The following CEP76 variants were observed in gnomAD, a reference collection of about 807,000 sequenced individuals.
The protein encoded by CEP76 is centrosomal protein of 76 kDa.
A neutral mutation model predicts 83.3 loss-of-function variants in CEP76; 55 were observed. The ratio of observed to expected loss-of-function variants is 0.66; its 90% CI spans 0.53 to 0.83. CEP76 has a LOEUF of 0.83. CEP76 is among the 40% of genes least tolerant of loss of function. CEP76 has a pLI of 0.00. For missense variants in CEP76, 694 were observed against 799.5 expected, an observed-to-expected ratio of 0.87 and a Z score of 1.59; for synonymous variants, 270 against 274.5, an observed-to-expected ratio of 0.98 and a Z score of 0.16.
upstream of CEP76, chr18:12,702,774 C>G (rs1258364375): frequency 1.4e-5 from 8 of 582,986 alleles, no homozygotes; most frequent in African/African-American, 1.4e-4. Flanking sequence ...GGCGGACAAA[C>G]AGGGCTTGGG....
rs559155412 is a variant in CEP76 at position 12,678,726 on chromosome 18, CA to C, written c.1290-285del. On this transcript the variant is annotated intron_variant, in intron 9 of 11. Transcript: ENST00000262127. ...GTCCCAGCACTTTGGGAGGCCGAGGCAGGGGGATCACCTGAGGTCAAGAGTT... is the reference window on the plus strand; with the variant it reads ...GTCCCAGCACTTTGGGAGGCCGAGGCGGGGGATCACCTGAGGTCAAGAGTT... 9.1e-3 allele frequency among the ~76,000 whole-genome samples: 1,382 copies of C among 152,178 alleles called. 18 individuals are homozygous for C. The highest frequency in any genetic ancestry group is 0.031 in the African/African-American group (1,290 of 41,516).
intron 12 of CEP76, among the ~76,000 whole-genome samples, chr18:12,666,202 C>A (rs987278366): frequency 4.6e-5 from 7 of 151,620 alleles, no homozygotes; most frequent in African/African-American, 1.7e-4. Flanking sequence ...GTGGCATACA[C>A]CTATATTCCC....
At position 12,700,838 on chromosome 18, in the gene CEP76, C is replaced by A. The variant is rs369682873; in HGVS notation, c.219+120G>T. 10 of 685,812 alleles carry A rather than the reference C, an allele frequency of 1.5e-5. No homozygotes were observed. In the East Asian group the frequency reaches 1.6e-4, roughly 11 times the overall value. 42.5% of individuals were successfully genotyped at this position (685,812 alleles called of 1,614,324 possible). Reference sequence around the variant, plus strand: ...TACTTGAAACAAGGACACTAGTAAACAGAATGACCTTGAAGTGGTTTTACT... The same window carrying A: ...TACTTGAAACAAGGACACTAGTAAAAAGAATGACCTTGAAGTGGTTTTACT... On this transcript the variant is annotated intron_variant, in intron 2 of 11. Transcript: ENST00000262127.
intron 2 of CEP76, 128 bp downstream of exon 2, chr18:12,700,830 C>G (rs1215733881): frequency 3.1e-6 from 2 of 640,908 alleles, no homozygotes; most frequent in Non-Finnish European, 5.3e-6. Context: ...AACAAGGACA[C>G]TAGTAAACAG....
chr18:12,689,254 T>C (rs2039658576), intron 7 of CEP76, among the ~76,000 whole-genome samples: 1 of 150,386 alleles, frequency 6.6e-6, no homozygotes, highest in African/African-American at 2.4e-5. Flanking sequence ...TGTTGTTGTT[T>C]AATTTCAGAA....
Position 12,700,992 on chromosome 18 carries a change from A to G in CEP76, c.185T>C (p.Ile62Thr), listed in dbSNP as rs763833993. The change falls in exon 2 of 12, where the codon ATT (isoleucine) becomes ACT (threonine). Residue 62 changes from isoleucine (I) to threonine (T), a missense_variant. By Grantham distance (89) the Ile-to-Thr change is moderately conservative. Coordinates refer to ENST00000262127, the MANE Select transcript of CEP76 (RefSeq NM_024899.4). ...LIKALRRRGI[I>T]DDVMKELNFV... is the part of the protein sequence containing the mutation. ...ATTAAGTTCTTTCATCACATCGTCA[A>G]TGATTCCTCGACGTCTAAGGGCTTT... 1.9e-6 allele frequency: 3 copies of G among 1,613,190 alleles called. No homozygotes were observed. The highest frequency in any genetic ancestry group is 2.2e-5 in the South Asian group (2 of 90,784).
intron 1 of CEP76, among the ~76,000 whole-genome samples, chr18:12,702,217 G>A (rs919834640): frequency 2.0e-5 from 3 of 152,196 alleles, no homozygotes; most frequent in Non-Finnish European, 4.4e-5. Flanking sequence ...CTCGCTAAGC[G>A]CTTCATTCTC....
At chr18:12,693,818 T>C (rs1047931617) in intron 6 of CEP76, among the ~76,000 whole-genome samples, 3 of 152,116 alleles carry the variant, frequency 2.0e-5, no homozygotes. Context: ...CGTATACACA[T>C]AATGTATATG....
At position 12,690,524 on chromosome 18, in the gene CEP76, C is replaced by T. The variant is rs546251393; in HGVS notation, c.933+835G>A. ...AGGCCGGACTGCAGTGGTGCGATCT[C>T]GGCTCACTGCAAGCTCCGCCTCCCG... On this transcript the variant is annotated intron_variant, in intron 7 of 11. Transcript: ENST00000262127. Among the ~76,000 whole-genome samples the T allele has an allele frequency of 8.8e-4, 133 of 151,616 alleles. 1 individual carries two copies. Among genetic ancestry groups the T allele is most frequent in the African/African-American group, 3.1e-3 (127 of 41,352 alleles).
At chr18:12,670,886 A>C (rs2038925463), downstream of CEP76, 1 of 151,816 alleles carries the variant, frequency 6.6e-6, no homozygotes, top group African/African-American at 2.4e-5. Flanking sequence ...TGAACCCAAG[A>C]GATTCTCCTG....
chr18:12,701,238 G>A (rs994730291), intron 1 of CEP76, 125 bp from the exon 2 acceptor site: 1 of 665,656 alleles, frequency 1.5e-6, no homozygotes, highest in Non-Finnish European at 2.6e-6. Flanking sequence ...TGGGAACAAA[G>A]GTAAGCTTTT....
chr18:12,697,202 A>C, intron 5 of CEP76, 21 bp downstream of exon 5: 1 of 1,526,102 alleles, frequency 6.6e-7, no homozygotes, highest in East Asian at 2.3e-5. Flanking sequence ...AAGGTTAACA[A>C]TGATATATTA....
At chr18:12,665,660 T>C (rs1424889863) in intron 12 of CEP76, among the ~76,000 whole-genome samples, 1 of 152,190 alleles carries the variant, frequency 6.6e-6, no homozygotes, top group Non-Finnish European at 1.5e-5. Flanking sequence ...TTAACCTAAA[T>C]TTATAAGAGA....
chr18:12,699,047 G>A lies in CEP76; in HGVS notation c.452C>T (p.Pro151Leu), dbSNP rs760281527. ...HYRNQRFRSK[P>L]VPCACEPDFH... ...ATCTGGTTCACAGGCACATGGAACA[G>A]GTTTAGAACGAAAACGTTGGTTTCG... Residue 151 changes from proline (P) to leucine (L), a missense_variant, in exon 4 of 12, where the codon CCT becomes CTT. Physicochemically the swap from Pro to Leu is moderately conservative, Grantham distance 98. Coordinates refer to ENST00000262127, the MANE Select transcript of CEP76 (RefSeq NM_024899.4). 1.9e-6 allele frequency: 3 copies of A among 1,613,968 alleles called. No individual in the cohort carries two copies. The highest frequency in any genetic ancestry group is 1.1e-5 in the South Asian group (1 of 91,084).
At chr18:12,702,019 C>A (rs2040170704) in intron 1 of CEP76, among the ~76,000 whole-genome samples, 1 of 152,036 alleles carries the variant, frequency 6.6e-6, no homozygotes, top group African/African-American at 2.4e-5. Context: ...CCCAGCTACT[C>A]GGGAGGCTGA....
Position 12,702,599 on chromosome 18 carries a change from C to T in CEP76, c.-51G>A. 4 of 1,571,174 alleles carry T rather than the reference C, an allele frequency of 2.5e-6. No homozygotes were observed. The highest frequency in any genetic ancestry group is 3.4e-6 in the Non-Finnish European group (4 of 1,163,402). ...CTTCTCCCCGCCTCAGATGCCCTAA[C>T]TGCGCGGCCCCGGCCGGGCCAGGGA... On this transcript the variant is annotated 5_prime_UTR_variant, in exon 1 of 12. Coordinates refer to ENST00000262127, the MANE Select transcript of CEP76 (RefSeq NM_024899.4).
intron 6 of CEP76, among the ~76,000 whole-genome samples, chr18:12,693,909 T>C (rs905707907): frequency 7.9e-5 from 12 of 152,200 alleles, no homozygotes; most frequent in Non-Finnish European, 4.4e-5. Flanking sequence ...CACAGCTCAC[T>C]GTAACCTCAA....
At chr18:12,701,308 T>C (rs970825476) in intron 1 of CEP76, among the ~76,000 whole-genome samples, 195 bp from the exon 2 acceptor site, 1 of 152,192 alleles carries the variant, frequency 6.6e-6, no homozygotes, top group African/African-American at 2.4e-5. Context: ...ATCTGGCACC[T>C]TTGTTACCAT....
intron 7 of CEP76, among the ~76,000 whole-genome samples, chr18:12,687,207 G>T (rs1259899417): frequency 1.3e-5 from 2 of 152,054 alleles, no homozygotes; most frequent in Non-Finnish European, 2.9e-5. Flanking sequence ...CCCTGATAGG[G>T]TTCCTCAGGA....
Sources: allele counts gnomAD v4.1 joint callset (sites outside exome capture counted in the v4.1 genomes callset), GRCh38; gene constraint gnomAD v4.1.1; transcripts MANE v1.5; gene names NCBI Gene and HGNC (gene_info 2026-07-23, HGNC 2026-07-21).